Variants in KLF7 observed in about 807,000 individuals in gnomAD.
The protein encoded by KLF7 is Krueppel-like factor 7.
In KLF7, 2 loss-of-function variants were observed where a neutral mutation model predicts 27.3. The ratio of observed to expected loss-of-function variants is 0.07; its 90% CI spans 0.03 to 0.23. The LOEUF is 0.23. Among genes scored for constraint, KLF7 ranks in the 10% least tolerant of loss-of-function variants. The pLI is 1.00. For missense variants in KLF7, 221 were observed against 394.1 expected, an observed-to-expected ratio of 0.56 and a Z score of 3.72; for synonymous variants, 165 against 162.4, an observed-to-expected ratio of 1.02 and a Z score of -0.12.
chr2:207,114,921 T>A (rs957594494), intron 2 of KLF7, among the ~76,000 whole-genome samples: 1 of 152,186 alleles, frequency 6.6e-6, no homozygotes, highest in African/African-American at 2.4e-5. Flanking sequence ...TAAAACATCT[T>A]TTTACATTAT....
intron 1 of KLF7, among the ~76,000 whole-genome samples, chr2:207,144,159 CG>C (rs57867270): frequency 0.3 from 28,066 of 92,536 alleles, 3,066 homozygotes; most frequent in African/African-American, 0.37. Context: ...GTCGTCACAG[CG>C]GGGGGGAGAA....
At chr2:207,134,158 T>TTTTTTTA in intron 1 of KLF7, 1 of 1,457,578 alleles carries the variant, frequency 6.9e-7, no homozygotes, top group Non-Finnish European at 9.0e-7. Context: ...ACTGGGATTT[T>TTTTTTTA]TTTTTTTTTT....
At position 207,077,434 on chromosome 2, in the gene KLF7, TATC is replaced by T. The variant is rs974067209; in HGVS notation, c.*3776_*3778del. ...GAGGTTGGCTGTCCTTTTACCCTGT[TATC>T]ATCAGGCAATCAAAGATGTACAAAG... is the stretch of plus-strand genomic sequence containing the variant. On this transcript the variant is annotated 3_prime_UTR_variant, in exon 4 of 4. Transcript: ENST00000309446. 3.3e-5 allele frequency: 5 copies of T among 152,160 alleles called. No homozygotes were observed. Among genetic ancestry groups the T allele is most frequent in the Admixed American group, 6.5e-5 (1 of 15,274 alleles). 9.4% of individuals were successfully genotyped at this position (152,160 alleles called of 1,614,324 possible). A position where few individuals can be genotyped will look rare whatever the true frequency, so the allele number is the denominator to read the frequency against.
intron 3 of KLF7, among the ~76,000 whole-genome samples, chr2:207,081,509 G>A (rs1419651819): frequency 6.6e-6 from 1 of 152,212 alleles, no homozygotes; most frequent in African/African-American, 2.4e-5. Flanking sequence ...CCTCAGTAGA[G>A]TGGGGATAAT....
At chr2:207,085,021 G>A (rs936520246) in intron 3 of KLF7, among the ~76,000 whole-genome samples, 4 of 151,928 alleles carry the variant, frequency 2.6e-5, no homozygotes, top group African/African-American at 9.7e-5. Context: ...AATTAGCCAG[G>A]CATGGTGGCA....
chr2:207,150,786 G>A (rs758566671), intron 1 of KLF7, among the ~76,000 whole-genome samples: 7 of 151,962 alleles, frequency 4.6e-5, no homozygotes, highest in Non-Finnish European at 8.8e-5. Context: ...CATTCCATCT[G>A]TACAATCATT....
At chr2:207,161,108 C>T (rs2078532541) in intron 1 of KLF7, among the ~76,000 whole-genome samples, 1 of 147,396 alleles carries the variant, frequency 6.8e-6, no homozygotes, top group African/African-American at 2.5e-5. Flanking sequence ...TGTTTGAAGC[C>T]CCTAAATCTA....
chr2:207,170,538 G>A (rs563841952), upstream of KLF7, among the ~76,000 whole-genome samples: 1 of 152,322 alleles, frequency 6.6e-6, no homozygotes, highest in African/African-American at 2.4e-5. Flanking sequence ...GCTAGAGGAA[G>A]AAAGCAATGT....
At position 207,146,547 on chromosome 2, in the gene KLF7, G is replaced by A. The variant is rs750811366; in HGVS notation, c.102+18920C>T. On this transcript the variant is annotated intron_variant, in intron 1 of 3. Transcript: ENST00000309446. ...TCCTCTGGAATATTCCCTTCTCTCA[G>A]TCTTCCTTCTCCTTAGGGGACCCTT... 5.3e-5 allele frequency among the ~76,000 whole-genome samples: 8 copies of A among 152,096 alleles called. 1 individual carries two copies. The East Asian group carries it at 1.2e-3, about 22-fold the overall frequency.
At chr2:207,095,762 C>T (rs975597801) in intron 2 of KLF7, among the ~76,000 whole-genome samples, 1 of 152,030 alleles carries the variant, frequency 6.6e-6, no homozygotes, top group Non-Finnish European at 1.5e-5. Context: ...TGGAAACATA[C>T]AATACACACT....
intron 1 of KLF7, among the ~76,000 whole-genome samples, chr2:207,154,451 A>G (rs570368249): frequency 6.6e-6 from 1 of 152,336 alleles, no homozygotes; most frequent in East Asian, 1.9e-4. Flanking sequence ...CCGGGCACAA[A>G]GGGTATTGCT....
chr2:207,129,914 A>G (rs1307704252), intron 1 of KLF7, among the ~76,000 whole-genome samples: 1 of 152,226 alleles, frequency 6.6e-6, no homozygotes, highest in African/African-American at 2.4e-5. Flanking sequence ...GGCACATATT[A>G]AGTTTATCAA....
chr2:207,170,861 G>A (rs1461026124), upstream of KLF7, among the ~76,000 whole-genome samples: 2 of 151,904 alleles, frequency 1.3e-5, no homozygotes, highest in Non-Finnish European at 2.9e-5. Flanking sequence ...ATAAGGAGTT[G>A]TACATGTTGT....
chr2:207,082,709 G>A (rs994909418), intron 3 of KLF7, among the ~76,000 whole-genome samples: 4 of 152,106 alleles, frequency 2.6e-5, no homozygotes, highest in Admixed American at 2.6e-4. Flanking sequence ...AAGTTCCCAG[G>A]CTCCCTGAAG....
chr2:207,111,874 A>G (rs2077047696), intron 2 of KLF7, among the ~76,000 whole-genome samples: 1 of 152,186 alleles, frequency 6.6e-6, no homozygotes, highest in Non-Finnish European at 1.5e-5. Flanking sequence ...GGGTCTTGCC[A>G]GACCACAGTG....
chr2:207,111,441 C>A (rs2077035071), intron 2 of KLF7, among the ~76,000 whole-genome samples: 1 of 152,206 alleles, frequency 6.6e-6, no homozygotes, highest in Admixed American at 6.5e-5. Context: ...AGCTGCCCCA[C>A]GCAAAGGGTA....
Position 207,079,128 on chromosome 2 carries a change from G to A in KLF7, c.*2085C>T, listed in dbSNP as rs1339769666. On this transcript the variant is annotated 3_prime_UTR_variant, in exon 4 of 4. Transcript: ENST00000309446. ...AAATAGAAAAAAGGAAAAGGAGAAAGTAAATTCTTAGGGCCAGACCTCGAA... is the reference window on the plus strand; with the variant it reads ...AAATAGAAAAAAGGAAAAGGAGAAAATAAATTCTTAGGGCCAGACCTCGAA... The A allele has an allele frequency of 6.6e-6, 1 of 151,088 alleles. No individual in the cohort carries two copies. The highest frequency in any genetic ancestry group is 2.4e-5 in the African/African-American group (1 of 41,030). 9.4% of individuals were successfully genotyped at this position (151,088 alleles called of 1,614,324 possible). A position where few individuals can be genotyped will look rare whatever the true frequency, so the allele number is the denominator to read the frequency against.
intron 1 of KLF7, among the ~76,000 whole-genome samples, chr2:207,126,293 A>AC: frequency 6.6e-6 from 1 of 151,942 alleles, no homozygotes; most frequent in Admixed American, 6.6e-5. Context: ...ATAAGATTCT[A>AC]CTCCTGAAAC....
chr2:207,104,731 A>C (rs2076842454), intron 2 of KLF7, among the ~76,000 whole-genome samples: 1 of 152,230 alleles, frequency 6.6e-6, no homozygotes, highest in East Asian at 1.9e-4. Context: ...TTCAGAATTC[A>C]CATGCTTAAC....
Sources: gnomAD v4.1 joint callset for allele counts (sites outside exome capture counted in the v4.1 genomes callset) on GRCh38, gnomAD v4.1.1 for gene constraint, MANE v1.5 for transcripts, NCBI Gene and HGNC (gene_info 2026-07-23, HGNC 2026-07-21) for gene names.